The following GGT1 variants were observed in gnomAD, a reference collection of about 807,000 sequenced individuals.
GGT1 encodes gamma-glutamyltransferase 1, also known as glutathione hydrolase 1 proenzyme.
In GGT1, 21 loss-of-function variants were observed where a neutral mutation model predicts 56.0. The observed-to-expected ratio is 0.38, with a 90% CI of 0.27 to 0.54. The LOEUF is 0.54. Ranked by LOEUF, GGT1 falls within the 20% of genes least tolerant of loss-of-function variation. The pLI, the probability that GGT1 is intolerant of heterozygous loss-of-function variation, is 0.82. For missense variants in GGT1, 466 were observed against 787.0 expected (o/e 0.59, Z 4.88); for synonymous variants, 238 against 342.6 (o/e 0.69, Z 3.37).
At chr22:24,583,986 G>T in the GGT1 span, among the ~76,000 whole-genome samples, 1 of 152,238 alleles carries the variant, frequency 6.6e-6, no homozygotes, top group Non-Finnish European at 1.5e-5. Context: ...CCCAGGGCCG[G>T]CTCTCATACC....
rs9612682 is a variant in GGT1, at chr22:24,627,536, G to A, written c.1125G>A (p.Thr375=). Residue 375 remains threonine, a synonymous_variant, in exon 12 of 16, where the codon ACG becomes ACA. Transcript: ENST00000400382. ...CCTACTACAAGCCCGAGTTCTACACGCCGGATGACGGGGGCACTGCTCACC... is the reference window on the plus strand; with the variant it reads ...CCTACTACAAGCCCGAGTTCTACACACCGGATGACGGGGGCACTGCTCACC... The part of the protein sequence containing the change: ...PISYYKPEFY[T]PDDGGTAHLS... 8.3e-5 allele frequency: 134 copies of A among 1,611,670 alleles called. No individual in the cohort carries two copies. The highest frequency in any genetic ancestry group is 7.8e-4 in the Admixed American group (47 of 59,952).
upstream of GGT1, among the ~76,000 whole-genome samples, chr22:24,594,005 G>A (rs551288552): frequency 1.3e-4 from 20 of 152,322 alleles, no homozygotes; most frequent in South Asian, 8.3e-4. Context: ...GGCAGCAGGC[G>A]GGCTGTATCT....
upstream of GGT1, among the ~76,000 whole-genome samples, chr22:24,590,415 T>G (rs559715653): frequency 2.0e-5 from 3 of 152,134 alleles, no homozygotes; most frequent in Non-Finnish European, 4.4e-5. Flanking sequence ...CACTCAGCCT[T>G]GGAGGACCCT....
At chr22:24,611,589 TCTATCTATCTAC>T (rs2046692148) in intron 5 of GGT1, among the ~76,000 whole-genome samples, 2 of 119,340 alleles carry the variant, frequency 1.7e-5, no homozygotes, top group African/African-American at 2.9e-5. Flanking sequence ...TATCTATCTA[TCTATCTATCTAC>T]TATCTATCTA....
intron 7 of GGT1, among the ~76,000 whole-genome samples, chr22:24,619,404 A>G (rs973482139): frequency 2.1e-5 from 3 of 143,840 alleles, no homozygotes; most frequent in African/African-American, 8.6e-5. Context: ...ATCTCAGAAA[A>G]AAAAAAAAAA....
At chr22:24,592,482 C>CCTTGTATTGAG, upstream of GGT1, 2 of 455,572 alleles carry the variant, frequency 4.4e-6, no homozygotes, top group Non-Finnish European at 9.2e-6. Flanking sequence ...GATTTGACCT[C>CCTTGTATTGAG]ACTTGCCACT....
At chr22:24,627,793 G>A in intron 12 of GGT1, 59 bp from the exon 13 acceptor site, 1 of 1,579,652 alleles carries the variant, frequency 6.3e-7, no homozygotes, top group Non-Finnish European at 8.6e-7. Context: ...TCAGTGGGTG[G>A]ATAGGGACCA....
the GGT1 span, chr22:24,586,507 G>T: frequency 7.9e-7 from 1 of 1,269,844 alleles, no homozygotes; most frequent in African/African-American, 1.5e-5. Context: ...CAGGCCTACA[G>T]TCTGGCAAAG....
Position 24,628,033 on chromosome 22 carries a change from C to T in GGT1, c.1337-48C>T. ...ACTGGGGTGGAGAGGGGCGGGTGTCCTGGGCAGGCAGCTGACGGGCATCCC... is the reference window on the plus strand; with the variant it reads ...ACTGGGGTGGAGAGGGGCGGGTGTCTTGGGCAGGCAGCTGACGGGCATCCC... On this transcript the variant is annotated intron_variant, in intron 13 of 15. Coordinates refer to ENST00000400382, the MANE Select transcript of GGT1 (RefSeq NM_001288833.2). The surrounding 1 kb of genome is among the most constrained non-coding windows in gnomAD (Gnocchi z 5.7). The T allele has an allele frequency of 4.3e-6, 7 of 1,611,018 alleles. No individual in the cohort carries two copies. Among genetic ancestry groups the T allele is most frequent in the Non-Finnish European group, 5.1e-6 (6 of 1,179,558 alleles).
chr22:24,591,626 T>A (rs1347010037), upstream of GGT1, among the ~76,000 whole-genome samples: 1 of 152,242 alleles, frequency 6.6e-6, no homozygotes, highest in African/African-American at 2.4e-5. Context: ...AGAGGTGGTC[T>A]CTGAGGATCC....
chr22:24,606,308 C>T (rs897767462), intron 1 of GGT1, among the ~76,000 whole-genome samples: 4 of 151,462 alleles, frequency 2.6e-5, no homozygotes, highest in Non-Finnish European at 1.5e-5. Context: ...CCACAACAGG[C>T]CCCAGTGTGT....
the GGT1 span, among the ~76,000 whole-genome samples, chr22:24,586,606 A>ACGGCAACCTCTGCCTCC: frequency 6.6e-6 from 1 of 152,248 alleles, no homozygotes; most frequent in Non-Finnish European, 1.5e-5. Flanking sequence ...ATCTCGGCTT[A>ACGGCAACCTCTGCCTCC]CGGCAACCTC....
At chr22:24,606,991 A>G (rs144026784) in intron 1 of GGT1, among the ~76,000 whole-genome samples, 2,393 of 100,660 alleles carry the variant, frequency 0.024, no homozygotes, top group Middle Eastern at 0.032. Flanking sequence ...CACTGTCCAA[A>G]GTCCCCTGGG....
intron 9 of GGT1, among the ~76,000 whole-genome samples, chr22:24,622,098 C>T (rs543393841): frequency 1.3e-5 from 2 of 150,746 alleles, no homozygotes; most frequent in East Asian, 3.9e-4. Flanking sequence ...TGTCTCATGC[C>T]TGTAATCCCA....
At chr22:24,611,376 A>G in intron 5 of GGT1, 131 bp downstream of exon 5, 1 of 679,180 alleles carries the variant, frequency 1.5e-6, no homozygotes, top group South Asian at 1.8e-5. Flanking sequence ...AGCCTTTGGG[A>G]AGGGGACAGT....
At chr22:24,605,051 T>TAAAATGTAA (rs1220658205) in intron 1 of GGT1, among the ~76,000 whole-genome samples, 1 of 60,262 alleles carries the variant, frequency 1.7e-5, no homozygotes, top group Non-Finnish European at 2.9e-5. Context: ...ATGTAATATA[T>TAAAATGTAA]TATATATTAT....
upstream of GGT1, chr22:24,589,839 G>T: frequency 6.2e-7 from 1 of 1,613,550 alleles, no homozygotes; most frequent in South Asian, 1.1e-5. Flanking sequence ...GGCACTGCAG[G>T]TCCCGGGCCA....
At chr22:24,592,051 G>A (rs1289206642), upstream of GGT1, among the ~76,000 whole-genome samples, 2 of 152,198 alleles carry the variant, frequency 1.3e-5, no homozygotes. Flanking sequence ...CCTTCTGCAG[G>A]CCGAACACCT....
At chr22:24,589,958 G>A (rs758101535), upstream of GGT1, 20 of 1,578,470 alleles carry the variant, frequency 1.3e-5, no homozygotes, top group Non-Finnish European at 1.7e-5. Flanking sequence ...TCCTGTGAGT[G>A]GTGAAGAGAG....
Sources: gnomAD v4.1 joint callset for allele counts (sites outside exome capture counted in the v4.1 genomes callset) on GRCh38, gnomAD v4.1.1 for gene constraint, Gnocchi (gnomAD v3.1) non-coding constraint, MANE v1.5 for transcripts, NCBI Gene and HGNC (gene_info 2026-07-23, HGNC 2026-07-21) for gene names.